The following EXOC4 variants were observed in gnomAD, a reference collection of about 807,000 sequenced individuals.
EXOC4 encodes SEC8-like 1.
Under a neutral mutation model 107.2 loss-of-function variants are expected in EXOC4, and 71 were observed. The ratio of observed to expected loss-of-function variants is 0.66; its 90% confidence interval spans 0.55 to 0.81. The LOEUF (loss-of-function observed/expected upper bound fraction) is 0.81, where lower values mean the gene tolerates loss of function less well. EXOC4 is among the 30% of genes least tolerant of loss of function. The pLI is 0.00. For missense variants in EXOC4, 1,108 were observed against 1,189.6 expected, an observed-to-expected ratio of 0.93 and a Z score of 1.01; for synonymous variants, 456 against 441.2, an observed-to-expected ratio of 1.03 and a Z score of -0.42.
At chr7:133,333,934 A>G (rs1795450894) in intron 5 of EXOC4, among the ~76,000 whole-genome samples, 1 of 152,234 alleles carries the variant, frequency 6.6e-6, no homozygotes, top group Non-Finnish European at 1.5e-5. Context: ...CTTGAGTACA[A>G]TGTTTGTGTG....
At chr7:133,704,410 A>G (rs934893813) in intron 10 of EXOC4, among the ~76,000 whole-genome samples, 3 of 152,206 alleles carry the variant, frequency 2.0e-5, no homozygotes, top group Admixed American at 6.5e-5. Context: ...CCATACTTAC[A>G]CTGCTATTCA....
At chr7:133,296,109 A>T (rs1794514296) in intron 3 of EXOC4, among the ~76,000 whole-genome samples, 1 of 152,324 alleles carries the variant, frequency 6.6e-6, no homozygotes, top group Middle Eastern at 3.4e-3. Context: ...TTCTAAGCTA[A>T]TAATTTATCA....
At chr7:133,637,344 A>G (rs890076030) in intron 10 of EXOC4, among the ~76,000 whole-genome samples, 4 of 152,160 alleles carry the variant, frequency 2.6e-5, no homozygotes, top group Non-Finnish European at 5.9e-5. Context: ...TAATATTTTT[A>G]TCTTTGAAAA....
chr7:133,324,887 G>T, intron 5 of EXOC4, among the ~76,000 whole-genome samples: 1 of 152,108 alleles, frequency 6.6e-6, no homozygotes, highest in South Asian at 2.1e-4. Flanking sequence ...TATGAATCTG[G>T]GTGCTCCTGT....
At chr7:133,837,953 C>T (rs1004844097) in intron 11 of EXOC4, among the ~76,000 whole-genome samples, 1 of 152,110 alleles carries the variant, frequency 6.6e-6, no homozygotes, top group Non-Finnish European at 1.5e-5. Context: ...CCTTACAGCG[C>T]TGGATAAAGT....
chr7:133,745,985 A>G (rs1279684201), intron 10 of EXOC4, among the ~76,000 whole-genome samples: 1 of 152,094 alleles, frequency 6.6e-6, no homozygotes, highest in Non-Finnish European at 1.5e-5. Flanking sequence ...CTGTTACAAC[A>G]TTTTTTAAAA....
At chr7:133,376,558 A>T (rs796814218) in intron 7 of EXOC4, among the ~76,000 whole-genome samples, 6 of 152,334 alleles carry the variant, frequency 3.9e-5, no homozygotes, top group African/African-American at 1.4e-4. Context: ...CTTTACCTTC[A>T]TCCCTGCATC....
At chr7:133,961,437 C>T (rs1296610715) in intron 14 of EXOC4, among the ~76,000 whole-genome samples, 3 of 141,740 alleles carry the variant, frequency 2.1e-5, no homozygotes, top group Non-Finnish European at 3.1e-5. Context: ...CAGGCGCACG[C>T]CACTGCACCT....
intron 10 of EXOC4, among the ~76,000 whole-genome samples, chr7:133,705,328 C>A (rs1794746279): frequency 6.6e-6 from 1 of 152,160 alleles, no homozygotes; most frequent in South Asian, 2.1e-4. Flanking sequence ...GATCATGCTG[C>A]TGCACTCCAG....
intron 9 of EXOC4, among the ~76,000 whole-genome samples, chr7:133,526,905 G>C (rs1000700884): frequency 8.5e-5 from 13 of 152,106 alleles, no homozygotes; most frequent in African/African-American, 3.1e-4. Context: ...CCAGGAGGTG[G>C]AGGTTGCAGT....
chr7:133,913,305 G>T (rs1799736768), intron 12 of EXOC4, among the ~76,000 whole-genome samples: 1 of 152,208 alleles, frequency 6.6e-6, no homozygotes, highest in South Asian at 2.1e-4. Flanking sequence ...GGAATTAGAA[G>T]TCACTGAAGA....
At chr7:133,691,839 T>C (rs551839342) in intron 10 of EXOC4, among the ~76,000 whole-genome samples, 2 of 152,276 alleles carry the variant, frequency 1.3e-5, no homozygotes, top group Admixed American at 6.5e-5. Context: ...ATTTCAGAAA[T>C]TGAAAAGCAG....
At chr7:133,367,451 C>T (rs1296171881) in intron 6 of EXOC4, among the ~76,000 whole-genome samples, 1 of 152,062 alleles carries the variant, frequency 6.6e-6, no homozygotes, top group African/African-American at 2.4e-5. Flanking sequence ...TTGGATGGAG[C>T]AAAATAATTA....
At chr7:133,510,647 CA>C (rs1344222203) in intron 9 of EXOC4, among the ~76,000 whole-genome samples, 1 of 152,102 alleles carries the variant, frequency 6.6e-6, no homozygotes, top group East Asian at 1.9e-4. Flanking sequence ...AACATACGAG[CA>C]ATAGAATTGT....
At chr7:133,999,960 A>G (rs986878601) in intron 15 of EXOC4, among the ~76,000 whole-genome samples, 2 of 152,202 alleles carry the variant, frequency 1.3e-5, no homozygotes, top group Non-Finnish European at 1.5e-5. Flanking sequence ...CTTCTTCAAC[A>G]TTAGTCTAAA....
At chr7:133,924,106 A>G (rs1483272139) in intron 13 of EXOC4, among the ~76,000 whole-genome samples, 2 of 151,946 alleles carry the variant, frequency 1.3e-5, no homozygotes, top group African/African-American at 4.8e-5. Flanking sequence ...ACAAGGCTCC[A>G]CTCTTTCACA....
intron 10 of EXOC4, among the ~76,000 whole-genome samples, chr7:133,653,251 T>C (rs1803205901): frequency 6.6e-6 from 1 of 152,232 alleles, no homozygotes; most frequent in Non-Finnish European, 1.5e-5. Flanking sequence ...TCAGATTCTC[T>C]ATTACTTTGA....
chr7:133,362,584 AAT>A (rs1796159499), intron 6 of EXOC4, among the ~76,000 whole-genome samples: 1 of 152,310 alleles, frequency 6.6e-6, no homozygotes, highest in African/African-American at 2.4e-5. Flanking sequence ...ATACTTTTGA[AAT>A]ATTTTTTATA....
At chr7:133,653,388 T>G (rs1329534304) in intron 10 of EXOC4, among the ~76,000 whole-genome samples, 1 of 152,230 alleles carries the variant, frequency 6.6e-6, no homozygotes, top group Non-Finnish European at 1.5e-5. Context: ...TGTACTAAGA[T>G]GCCCCTTTAC....
Sources: allele counts gnomAD v4.1 joint callset (sites outside exome capture counted in the v4.1 genomes callset), GRCh38; gene constraint gnomAD v4.1.1; transcripts MANE v1.5; gene names NCBI Gene and HGNC (gene_info 2026-07-23, HGNC 2026-07-21).